The following KCNJ3 variants were observed in gnomAD, a reference collection of about 807,000 sequenced individuals.
KCNJ3 encodes G protein-activated inward rectifier potassium channel 1.
In KCNJ3, 4 loss-of-function variants were observed where a neutral mutation model predicts 39.2. The ratio of observed to expected loss-of-function variants is 0.10; its 90% CI spans 0.05 to 0.23. The LOEUF (loss-of-function observed/expected upper bound fraction) is 0.23, where lower values mean the gene tolerates loss of function less well. Among genes scored for constraint, KCNJ3 ranks in the 10% least tolerant of loss-of-function variants. KCNJ3 has a pLI of 1.00. For missense variants in KCNJ3, 276 were observed against 634.9 expected (o/e 0.43, Z 6.08); for synonymous variants, 230 against 237.4 (o/e 0.97, Z 0.29).
chr2:154,817,154 G>T (rs1687097672), intron 2 of KCNJ3, among the ~76,000 whole-genome samples: 1 of 151,954 alleles, frequency 6.6e-6, no homozygotes, highest in Non-Finnish European at 1.5e-5. Flanking sequence ...ACCTATGTTT[G>T]GTTTTCTTCC....
Position 154,733,877 on chromosome 2 carries a change from G to C in KCNJ3, c.919+24058G>C, listed in dbSNP as rs551081095. 1.1e-4 allele frequency among the ~76,000 whole-genome samples: 16 copies of C among 152,280 alleles called. No individual in the cohort carries two copies. In the East Asian group the frequency reaches 2.7e-3, roughly 26 times the overall value. On this transcript the variant is annotated intron_variant, in intron 2 of 2. Transcript: ENST00000295101. The stretch of plus-strand genomic sequence containing the variant: ...TTGAAGAGGAGAAATCCTAGTCACA[G>C]TTCCTAGGAGACCTGACATGTGTTT...
intron 2 of KCNJ3, among the ~76,000 whole-genome samples, chr2:154,767,642 A>C (rs1411685514): frequency 1.3e-5 from 2 of 152,208 alleles, no homozygotes; most frequent in African/African-American, 4.8e-5. Flanking sequence ...TGCCACAATA[A>C]ACATACGTGT....
intron 2 of KCNJ3, among the ~76,000 whole-genome samples, chr2:154,793,644 CTT>C (rs965003220): frequency 6.6e-6 from 1 of 152,022 alleles, no homozygotes; most frequent in African/African-American, 2.4e-5. Context: ...AACACAAACA[CTT>C]CTAAAATTTT....
At chr2:154,852,072 A>G (rs1490350704) in intron 2 of KCNJ3, among the ~76,000 whole-genome samples, 1 of 152,230 alleles carries the variant, frequency 6.6e-6, no homozygotes, top group Non-Finnish European at 1.5e-5. Context: ...AACTCATTGT[A>G]AATATTTATT....
At chr2:154,746,801 T>C (rs1685753663) in intron 2 of KCNJ3, among the ~76,000 whole-genome samples, 1 of 151,828 alleles carries the variant, frequency 6.6e-6, no homozygotes, top group African/African-American at 2.4e-5. Context: ...CTCTTCTACT[T>C]GGAGGTTTTC....
intron 2 of KCNJ3, among the ~76,000 whole-genome samples, chr2:154,751,886 C>T (rs1474450163): frequency 6.6e-6 from 1 of 151,870 alleles, no homozygotes; most frequent in Admixed American, 6.6e-5. Flanking sequence ...TTTATAAAGA[C>T]AACAGTCATA....
At chr2:154,794,442 T>C (rs1201079970) in intron 2 of KCNJ3, among the ~76,000 whole-genome samples, 1 of 152,066 alleles carries the variant, frequency 6.6e-6, no homozygotes. Flanking sequence ...TGTCATGATA[T>C]GTTCAGTCTA....
intron 2 of KCNJ3, among the ~76,000 whole-genome samples, chr2:154,837,104 A>C (rs954168105): frequency 6.6e-6 from 1 of 152,180 alleles, no homozygotes; most frequent in Non-Finnish European, 1.5e-5. Flanking sequence ...CAATTCCTGT[A>C]ATTATTCTAT....
intron 2 of KCNJ3, among the ~76,000 whole-genome samples, chr2:154,722,919 T>C (rs745927914): frequency 3.9e-4 from 59 of 152,184 alleles, no homozygotes; most frequent in Non-Finnish European, 6.8e-4. Flanking sequence ...CTTGATAAAG[T>C]TTCATGCTTG....
intron 2 of KCNJ3, among the ~76,000 whole-genome samples, chr2:154,843,305 C>T (rs1430809356): frequency 6.6e-6 from 1 of 152,082 alleles, no homozygotes; most frequent in Non-Finnish European, 1.5e-5. Context: ...CTGAGAGATC[C>T]GTTGTTAGTA....
chr2:154,719,843 G>A (rs942590193), intron 2 of KCNJ3, among the ~76,000 whole-genome samples: 1 of 152,086 alleles, frequency 6.6e-6, no homozygotes, highest in Non-Finnish European at 1.5e-5. Context: ...GAGTGGATAA[G>A]GGCTGAGGTC....
At chr2:154,753,451 G>A (rs780729197) in intron 2 of KCNJ3, among the ~76,000 whole-genome samples, 3 of 152,070 alleles carry the variant, frequency 2.0e-5, no homozygotes, top group Non-Finnish European at 2.9e-5. Context: ...CACATTAATT[G>A]TGGAGTTTTT....
rs555094355 is a variant in KCNJ3, at chr2:154,764,613, A to G, written c.919+54794A>G. ...AATTTTCTACAGCCGGTGGTGTCCA[A>G]TCTTTTGGCTTCCCTGGGCTACATT... is the stretch of plus-strand genomic sequence containing the variant. On this transcript the variant is annotated intron_variant, in intron 2 of 2. Coordinates refer to ENST00000295101, the MANE Select transcript of KCNJ3 (RefSeq NM_002239.4). 1.3e-3 allele frequency among the ~76,000 whole-genome samples: 205 copies of G among 152,264 alleles called. 4 individuals are homozygous for G. The South Asian group carries it at 0.041, about 30-fold the overall frequency.
intron 2 of KCNJ3, among the ~76,000 whole-genome samples, chr2:154,722,066 G>A (rs989743841): frequency 5.9e-5 from 9 of 152,124 alleles, no homozygotes; most frequent in African/African-American, 2.2e-4. Flanking sequence ...GCTAACTAGA[G>A]AGGGAGGCAA....
chr2:154,720,743 G>C (rs1558855867), intron 2 of KCNJ3, among the ~76,000 whole-genome samples: 1 of 152,096 alleles, frequency 6.6e-6, no homozygotes, highest in African/African-American at 2.4e-5. Flanking sequence ...TTGATGACTA[G>C]AGAAGGTTTG....
intron 1 of KCNJ3, among the ~76,000 whole-genome samples, chr2:154,704,065 A>G (rs1431961016): frequency 6.6e-6 from 1 of 152,098 alleles, no homozygotes; most frequent in African/African-American, 2.4e-5. Context: ...CTCTGACACA[A>G]GTATACTAAT....
chr2:154,840,129 G>A (rs1687549935), intron 2 of KCNJ3, among the ~76,000 whole-genome samples: 1 of 152,102 alleles, frequency 6.6e-6, no homozygotes, highest in Non-Finnish European at 1.5e-5. Context: ...TGTAAGGAAG[G>A]GATTCAGTTT....
intron 2 of KCNJ3, among the ~76,000 whole-genome samples, chr2:154,723,577 C>A (rs1685300105): frequency 6.6e-6 from 1 of 151,998 alleles, no homozygotes; most frequent in Admixed American, 6.6e-5. Flanking sequence ...AAATAAGTAA[C>A]AATAATATAC....
At chr2:154,734,050 C>A (rs1186529318) in intron 2 of KCNJ3, among the ~76,000 whole-genome samples, 1 of 152,098 alleles carries the variant, frequency 6.6e-6, no homozygotes, top group Non-Finnish European at 1.5e-5. Context: ...ATTTCTAAGG[C>A]CTTTTTCAGG....
Sources: allele counts gnomAD v4.1 joint callset (sites outside exome capture counted in the v4.1 genomes callset), GRCh38; gene constraint gnomAD v4.1.1; transcripts MANE v1.5; gene names NCBI Gene and HGNC (gene_info 2026-07-23, HGNC 2026-07-21).